RIPK3: variants seen among roughly 807,000 people sequenced by gnomAD.
RIPK3 encodes the protein receptor-interacting serine/threonine-protein kinase 3.
In RIPK3, 51 loss-of-function variants were observed where a neutral mutation model predicts 51.6. The ratio of observed to expected loss-of-function variants is 0.99; its 90% CI spans 0.79 to 1.25. The LOEUF is 1.25. Among genes scored for constraint, RIPK3 ranks in the 50% most tolerant of loss-of-function variants. The pLI, the probability that RIPK3 is intolerant of heterozygous loss-of-function variation, is 0.00. For missense variants in RIPK3, 654 were observed against 650.4 expected (o/e 1.01, Z -0.06); for synonymous variants, 246 against 257.7 (o/e 0.95, Z 0.44).
intron 5 of RIPK3, 63 bp downstream of exon 5, chr14:24,338,186 C>A (rs1391792780): frequency 6.5e-7 from 1 of 1,541,100 alleles, no homozygotes; most frequent in Non-Finnish European, 8.8e-7. Context: ...AAGGGGAAGC[C>A]TTGGGGCTTT....
At chr14:24,337,659 G>A in intron 7 of RIPK3, 36 bp downstream of exon 7, 1 of 1,566,712 alleles carries the variant, frequency 6.4e-7, no homozygotes, top group Non-Finnish European at 8.8e-7. Flanking sequence ...TGCCATCCCT[G>A]ACCAGCTCCT....
intron 5 of RIPK3, 41 bp from the exon 6 acceptor site, chr14:24,338,081 G>GA: frequency 6.2e-7 from 1 of 1,613,904 alleles, no homozygotes; most frequent in Non-Finnish European, 8.5e-7. Flanking sequence ...GGCATTCAGG[G>GA]TAAAAGGGAA....
Position 24,336,070 on chromosome 14 carries a change from G to A in RIPK3, c.*105C>T. 5 of 1,159,218 alleles carry A rather than the reference G, an allele frequency of 4.3e-6. No homozygotes were observed. Among genetic ancestry groups the A allele is most frequent in the Non-Finnish European group, 3.6e-6 (3 of 824,934 alleles). The allele number at this position is 1,159,218 out of a possible 1,614,324, so 71.8% of individuals were successfully genotyped here. On this transcript the variant is annotated 3_prime_UTR_variant, in exon 10 of 10. Coordinates refer to ENST00000216274, the MANE Select transcript of RIPK3 (RefSeq NM_006871.4). ...TGACTCCTGGGGGACAGGTCACAAA[G>A]TCAGTTTGTGGGCAGGCCAGACTGC...
rs1441562296 is a variant in RIPK3 at position 24,339,922 on chromosome 14, T to A, written c.-96A>T. 1.5e-6 allele frequency: 2 copies of A among 1,350,010 alleles called. No individual in the cohort carries two copies. Among genetic ancestry groups the A allele is most frequent in the East Asian group, 2.3e-5 (1 of 43,124 alleles). The allele number at this position is 1,350,010 out of a possible 1,614,324, so 83.6% of individuals were successfully genotyped here. On this transcript the variant is annotated 5_prime_UTR_variant, in exon 1 of 10. Coordinates refer to ENST00000216274, the MANE Select transcript of RIPK3 (RefSeq NM_006871.4). This position sits in a 1 kb window ranked among gnomAD's most constrained non-coding sequence, Gnocchi z 4.0. The stretch of plus-strand genomic sequence containing the variant: ...GTCCTTTCGCAGAGAGGGGAAGGGG[T>A]CTGTCTGTGCAGGGGTCAGTCTCTA...
At position 24,337,171 on chromosome 14, in the gene RIPK3, T is replaced by C. The variant is rs1283390337; in HGVS notation, c.1190A>G (p.Gln397Arg). 6.2e-7 allele frequency: 1 copy of C among 1,612,740 alleles called. No individual in the cohort carries two copies. The highest frequency in any genetic ancestry group is 1.7e-5 in the Admixed American group (1 of 60,016). The change falls in exon 8 of 10, where the codon CAG becomes CGG. Residue 397 changes from glutamine to arginine, a missense_variant. Gln to Arg is a conservative substitution (Grantham distance 43, BLOSUM62 1). Coordinates refer to ENST00000216274, the MANE Select transcript of RIPK3 (RefSeq NM_006871.4). The part of the protein sequence containing the change: ...TSSDSMAQPP[Q>R]TPETSTFRNQ... ...TCTGAAAGTTGAGGTCTCTGGAGTC[T>C]GGGGAGGTTGGGCCATCGAATCTGA...
chr14:24,336,767 G>T, intron 9 of RIPK3, 118 bp downstream of exon 9: 1 of 976,436 alleles, frequency 1.0e-6, no homozygotes, highest in South Asian at 1.3e-5. Flanking sequence ...TGAGAAGGTT[G>T]AGTTAGATCA....
In RIPK3 at chr14:24,336,519, C is replaced by T. The variant is rs1474476576; in HGVS notation, c.1337-124G>A. ...GTGTCAAGGTGTGCCCTGTGCTCCT[C>T]CCCTCAGAGCTCCTCTCCAGAATTG... On this transcript the variant is annotated intron_variant, in intron 9 of 9. Coordinates refer to ENST00000216274, the MANE Select transcript of RIPK3 (RefSeq NM_006871.4). The T allele has an allele frequency of 1.5e-5, 20 of 1,311,182 alleles. No homozygotes were observed. In the South Asian group the frequency reaches 2.7e-4, roughly 18 times the overall value. The allele number at this position is 1,311,182 out of a possible 1,614,324, so 81.2% of individuals were successfully genotyped here.
chr14:24,337,680 G>A lies in RIPK3; in HGVS notation c.900+15C>T. 6.3e-7 allele frequency: 1 copy of A among 1,596,360 alleles called. No individual in the cohort carries two copies. Among genetic ancestry groups the A allele is most frequent in the Non-Finnish European group, 8.6e-7 (1 of 1,164,072 alleles). ...CCCTGACCAGCTCCTGGGGAGGGGTGATGTTGGCACTCACCGTGGAGACAG... is the reference window on the plus strand; with the variant it reads ...CCCTGACCAGCTCCTGGGGAGGGGTAATGTTGGCACTCACCGTGGAGACAG... On this transcript the variant is annotated intron_variant, in intron 7 of 9. Coordinates refer to ENST00000216274, the MANE Select transcript of RIPK3 (RefSeq NM_006871.4).
intron 8 of RIPK3, 27 bp from the exon 9 acceptor site, chr14:24,336,972 C>T: frequency 6.2e-7 from 1 of 1,611,764 alleles, no homozygotes; most frequent in Non-Finnish European, 8.5e-7. Context: ...GCATCCAGTT[C>T]TGCCCTGGAG....
Position 24,339,739 on chromosome 14 carries a change from A to G in RIPK3, c.20+68T>C. On this transcript the variant is annotated intron_variant, in intron 1 of 9. Transcript: ENST00000216274. This position sits in a 1 kb window ranked among gnomAD's most constrained non-coding sequence, Gnocchi z 4.0. ...TCCCCGGACTCAAAGACGTTCTCTGAGCGAGTCTGTGGGGCTCTCTGGGTG... is the reference window on the plus strand; with the variant it reads ...TCCCCGGACTCAAAGACGTTCTCTGGGCGAGTCTGTGGGGCTCTCTGGGTG... 1 of 1,569,608 alleles carries G rather than the reference A, an allele frequency of 6.4e-7. No homozygotes were observed. The highest frequency in any genetic ancestry group is 8.6e-7 in the Non-Finnish European group (1 of 1,156,084).
Position 24,336,360 on chromosome 14 carries a change from C to A in RIPK3, c.1372G>T (p.Val458Leu). The A allele has an allele frequency of 6.2e-7, 1 of 1,613,770 alleles. No individual in the cohort carries two copies. The highest frequency in any genetic ancestry group is 8.5e-7 in the Non-Finnish European group (1 of 1,180,012). Reference protein sequence around the residue: ...PLVNIYNCSGVQVGDNNYLTM... With the variant: ...PLVNIYNCSGLQVGDNNYLTM... ...AAGTAGTTGTTGTCTCCAACTTGCA[C>A]CCCAGAGCAGTTGTATATGTTAACG... Residue 458 changes from valine (V) to leucine (L), a missense_variant, in exon 10 of 10, where the codon GTG (valine) becomes TTG (leucine). By Grantham distance (32) the Val-to-Leu change is conservative (BLOSUM62 1). Coordinates refer to ENST00000216274, the MANE Select transcript of RIPK3 (RefSeq NM_006871.4).
intron 9 of RIPK3, chr14:24,336,651 A>G: frequency 1.5e-6 from 1 of 667,752 alleles, no homozygotes; most frequent in South Asian, 1.9e-5. Flanking sequence ...GGGCTCACAG[A>G]GCTGGTGTTG....
chr14:24,338,934 G>T, intron 3 of RIPK3, 81 bp downstream of exon 3: 1 of 1,122,588 alleles, frequency 8.9e-7, no homozygotes, highest in Non-Finnish European at 1.3e-6. Context: ...ACAGGGCTCT[G>T]GAGGTCTAGT....
chr14:24,337,492 A>C, intron 7 of RIPK3, 32 bp from the exon 8 acceptor site: 3 of 1,610,938 alleles, frequency 1.9e-6, no homozygotes, highest in Non-Finnish European at 2.5e-6. Flanking sequence ...GCTGGGTATG[A>C]CTTGGATGAG....
rs765467644 is a variant in RIPK3 at position 24,339,474 on chromosome 14, C to A, written c.144G>T (p.Ala48=). The change falls in exon 2 of 10, where the codon GCG becomes GCT. Residue 48 remains alanine, a synonymous_variant. Coordinates refer to ENST00000216274, the MANE Select transcript of RIPK3 (RefSeq NM_006871.4). The surrounding 1 kb of genome is among the most constrained non-coding windows in gnomAD (Gnocchi z 4.0). ...AQHRKWGYDV[A]VKIVNSKAIS... is the part of the protein sequence containing the mutation. The stretch of plus-strand genomic sequence containing the variant: ...TCACTCACGAGTTTACGATCTTGAC[C>A]GCCACATCGTAGCCCCACTTCCTAT... 7 of 1,614,070 alleles carry A rather than the reference C, an allele frequency of 4.3e-6. No individual in the cohort carries two copies. Among genetic ancestry groups the A allele is most frequent in the Non-Finnish European group, 5.9e-6 (7 of 1,180,042 alleles).
intron 4 of RIPK3, 45 bp from the exon 5 acceptor site, chr14:24,338,340 A>G: frequency 1.3e-6 from 2 of 1,538,638 alleles, no homozygotes; most frequent in Non-Finnish European, 1.8e-6. Context: ...CACTGGCAAG[A>G]CTCCTTTCCT....
Position 24,336,057 on chromosome 14 carries a change from G to C in RIPK3, c.*118C>G. 2 of 991,816 alleles carry C rather than the reference G, an allele frequency of 2.0e-6. No homozygotes were observed. Among genetic ancestry groups the C allele is most frequent in the Non-Finnish European group, 2.9e-6 (2 of 680,256 alleles). The allele number at this position is 991,816 out of a possible 1,614,324, so 61.4% of individuals were successfully genotyped here. ...CCATCATGTTTATTGACTCCTGGGG[G>C]ACAGGTCACAAAGTCAGTTTGTGGG... On this transcript the variant is annotated 3_prime_UTR_variant, in exon 10 of 10. Transcript: ENST00000216274.
In RIPK3 at chr14:24,338,479, G is replaced by C; in HGVS notation, c.560C>G (p.Ala187Gly). 6.2e-7 allele frequency: 1 copy of C among 1,613,932 alleles called. No individual in the cohort carries two copies. The highest frequency in any genetic ancestry group is 8.5e-7 in the Non-Finnish European group (1 of 1,179,828). ...GEPGGTLGYL[A>G]PELFVNVNRK... ...GTTTACGTTAACAAACAGTTCTGGG[G>C]CCAAGTAGCCCAGGGTGCCCCCTGG... The change falls in exon 4 of 10, where the codon GCC becomes GGC. Residue 187 changes from alanine (A) to glycine (G), a missense_variant. By Grantham distance (60) the Ala-to-Gly change is moderately conservative (BLOSUM62 0). Transcript: ENST00000216274.
At chr14:24,336,682 G>T in intron 9 of RIPK3, 1 of 683,598 alleles carries the variant, frequency 1.5e-6, no homozygotes, top group Non-Finnish European at 2.5e-6. Flanking sequence ...GAAGATTCAG[G>T]GACAAATCCA....
Sources: gnomAD v4.1 joint callset for allele counts on GRCh38, gnomAD v4.1.1 for gene constraint, Gnocchi (gnomAD v3.1) non-coding constraint, MANE v1.5 for transcripts, NCBI Gene and HGNC (gene_info 2026-07-23, HGNC 2026-07-21) for gene names.